The following YY1AP1 variants were observed in gnomAD, a reference collection of about 807,000 sequenced individuals.
The protein encoded by YY1AP1 is YY1 associated protein 1, also known as YY1-associated protein 1.
A neutral mutation model predicts 39.9 loss-of-function variants in YY1AP1; 43 were observed. The ratio of observed to expected loss-of-function variants is 1.08; its 90% CI spans 0.84 to 1.39. The LOEUF (loss-of-function observed/expected upper bound fraction) is 1.39, where lower values mean the gene tolerates loss of function less well. Among genes scored for constraint, YY1AP1 ranks in the 40% most tolerant of loss-of-function variants. YY1AP1 has a pLI of 0.00. For missense variants in YY1AP1, 813 were observed against 900.7 expected (o/e 0.90, Z 1.25); for synonymous variants, 292 against 331.3 (o/e 0.88, Z 1.29).
chr1:155,673,370 C>G (rs1434024031), intron 6 of YY1AP1, among the ~76,000 whole-genome samples: 2 of 152,146 alleles, frequency 1.3e-5, no homozygotes, highest in Non-Finnish European at 2.9e-5. Context: ...TGCCTACAAC[C>G]AAGTACTCCT....
intron 6 of YY1AP1, 27 bp downstream of exon 6, chr1:155,674,983 T>C (rs1156782761): frequency 3.1e-6 from 5 of 1,589,954 alleles, no homozygotes; most frequent in African/African-American, 1.3e-5. Flanking sequence ...TTCTAGTCTA[T>C]AGAATTACGG....
chr1:155,672,896 T>A (rs1650070686), intron 6 of YY1AP1, 165 bp from the exon 7 acceptor site: 6 of 929,512 alleles, frequency 6.5e-6, no homozygotes, highest in Admixed American at 2.5e-5. Context: ...TATGCCTGAG[T>A]TCTCAGATAT....
intron 2 of YY1AP1, among the ~76,000 whole-genome samples, chr1:155,685,710 G>A (rs1049821410): frequency 2.0e-5 from 3 of 151,976 alleles, no homozygotes; most frequent in African/African-American, 4.8e-5. Context: ...CCACACACCC[G>A]AACAATGAAA....
chr1:155,666,917 T>G (rs550164809), intron 9 of YY1AP1, among the ~76,000 whole-genome samples: 10 of 152,298 alleles, frequency 6.6e-5, no homozygotes, highest in Non-Finnish European at 1.3e-4. Flanking sequence ...TGAAAATTGC[T>G]TGAACCCGGT....
intron 5 of YY1AP1, among the ~76,000 whole-genome samples, chr1:155,675,589 G>A (rs1326690509): frequency 1.3e-5 from 2 of 151,996 alleles, no homozygotes; most frequent in Non-Finnish European, 2.9e-5. Flanking sequence ...CTCCCAAAGT[G>A]CTGGGATTAC....
intron 2 of YY1AP1, among the ~76,000 whole-genome samples, chr1:155,681,116 C>T (rs989529956): frequency 6.6e-6 from 1 of 151,372 alleles, no homozygotes; most frequent in African/African-American, 2.4e-5. Flanking sequence ...CTGCAACCTC[C>T]GCCTCCCAGG....
intron 2 of YY1AP1, 165 bp downstream of exon 2, chr1:155,687,906 C>G: frequency 3.9e-6 from 3 of 767,356 alleles, no homozygotes; most frequent in Non-Finnish European, 6.0e-6. Flanking sequence ...GGAGGGACTT[C>G]CCGGTAGGCT....
rs752876559 is a variant in YY1AP1 at position 155,659,814 on chromosome 1, C to A, written c.2096G>T (p.Arg699Leu). ...QEGLSENSAYRWTVVKTEEGR... is the reference protein window; with the variant it reads ...QEGLSENSAYLWTVVKTEEGR... ...CTCCTCTGTTTTCACAACGGTCCAGCGATAGGCACTGTTCTCTGACAATCC... is the reference window on the plus strand; with the variant it reads ...CTCCTCTGTTTTCACAACGGTCCAGAGATAGGCACTGTTCTCTGACAATCC... The change falls in exon 11 of 11, where the codon CGC (arginine) becomes CTC (leucine). Residue 699 changes from arginine (R) to leucine (L), a missense_variant. By Grantham distance (102) the Arg-to-Leu change is moderately radical. Coordinates refer to ENST00000355499, the MANE Select transcript of YY1AP1 (RefSeq NM_139119.3). 4 of 1,614,226 alleles carry A rather than the reference C, an allele frequency of 2.5e-6. No homozygotes were observed. Among genetic ancestry groups the A allele is most frequent in the Non-Finnish European group, 3.4e-6 (4 of 1,180,046 alleles).
In YY1AP1 at chr1:155,661,376, T is replaced by C. The variant is rs747030970; in HGVS notation, c.927A>G (p.Glu309=). 3.7e-6 allele frequency: 6 copies of C among 1,613,788 alleles called. No individual in the cohort carries two copies. In the South Asian group the frequency reaches 6.6e-5, roughly 18 times the overall value. Residue 309 remains glutamate, a synonymous_variant, in exon 10 of 11, where the codon GAA becomes GAG. Transcript: ENST00000355499. ...KQLPVLGKCC[E]EIQPHQWKPP... ...GCTTCCACTGATGTGGCTGGATCTCTTCACAGCATTTTCCTAGGACTGGCA... is the reference window on the plus strand; with the variant it reads ...GCTTCCACTGATGTGGCTGGATCTCCTCACAGCATTTTCCTAGGACTGGCA...
At position 155,676,855 on chromosome 1, in the gene YY1AP1, T is replaced by C. The variant is rs2292375; in HGVS notation, c.126-109A>G. 3.5e-4 allele frequency: 378 copies of C among 1,076,154 alleles called. 3 individuals are homozygous for C. In the East Asian group the frequency reaches 9.3e-3, roughly 26 times the overall value. The allele number at this position is 1,076,154 out of a possible 1,614,324, so 66.7% of individuals were successfully genotyped here. Reference sequence around the variant, plus strand: ...CTGAACAATTTTCATTCCCTACTAATCCCCCCTTTTCACTTTAGCCAACAG... The same window carrying C: ...CTGAACAATTTTCATTCCCTACTAACCCCCCCTTTTCACTTTAGCCAACAG... On this transcript the variant is annotated intron_variant, in intron 4 of 10. Coordinates refer to ENST00000355499, the MANE Select transcript of YY1AP1 (RefSeq NM_139119.3).
intron 6 of YY1AP1, among the ~76,000 whole-genome samples, chr1:155,673,028 ATTTAT>A (rs1650085959): frequency 6.6e-6 from 1 of 152,038 alleles, no homozygotes; most frequent in Admixed American, 6.6e-5. Flanking sequence ...TAATTAATTA[ATTTAT>A]TTTGAGACAT....
chr1:155,680,011 A>C, intron 3 of YY1AP1: 2 of 231,532 alleles, frequency 8.6e-6, no homozygotes, highest in Non-Finnish European at 1.7e-5. Context: ...CCCTGTCTCT[A>C]CAAAAAAATA....
chr1:155,676,208 C>A (rs1335289183), intron 5 of YY1AP1, among the ~76,000 whole-genome samples: 2 of 149,248 alleles, frequency 1.3e-5, no homozygotes, highest in Non-Finnish European at 3.0e-5. Context: ...GGTGACAGAG[C>A]GAGACTACGT....
At chr1:155,665,470 G>A (rs1648837467) in intron 9 of YY1AP1, among the ~76,000 whole-genome samples, 1 of 151,878 alleles carries the variant, frequency 6.6e-6, no homozygotes, top group Non-Finnish European at 1.5e-5. Flanking sequence ...GTAGTGGCAT[G>A]TGCCTATAAT....
chr1:155,676,730 C>T lies in YY1AP1; in HGVS notation c.142G>A (p.Ala48Thr), dbSNP rs910271075. The T allele has an allele frequency of 6.2e-7, 1 of 1,614,014 alleles. No homozygotes were observed. The highest frequency in any genetic ancestry group is 1.7e-5 in the Admixed American group (1 of 60,016). ...TGATGTTGTTCATTTAGTAGGTTGGCCAGTAGTTCCTCAAACCTATCCCAA... is the reference window on the plus strand; with the variant it reads ...TGATGTTGTTCATTTAGTAGGTTGGTCAGTAGTTCCTCAAACCTATCCCAA... ...PQALRFEELLANLLNEQHQIA... is the reference protein window; with the variant it reads ...PQALRFEELLTNLLNEQHQIA... The change falls in exon 5 of 11, where the codon GCC becomes ACC. Residue 48 changes from alanine to threonine, a missense_variant. Coordinates refer to ENST00000355499, the MANE Select transcript of YY1AP1 (RefSeq NM_139119.3).
At chr1:155,670,256 T>G in intron 8 of YY1AP1, 64 bp downstream of exon 8, 1 of 1,607,480 alleles carries the variant, frequency 6.2e-7, no homozygotes, top group South Asian at 1.1e-5. Context: ...TTACTTCCCC[T>G]AAACTCCTCA....
At chr1:155,677,355 C>T (rs1650848199) in intron 4 of YY1AP1, among the ~76,000 whole-genome samples, 1 of 152,164 alleles carries the variant, frequency 6.6e-6, no homozygotes, top group Admixed American at 6.5e-5. Flanking sequence ...CCCTAACTTC[C>T]CATCCATACC....
At chr1:155,665,278 A>AT (rs1399403143) in intron 9 of YY1AP1, among the ~76,000 whole-genome samples, 3 of 151,432 alleles carry the variant, frequency 2.0e-5, no homozygotes, top group East Asian at 2.0e-4. Context: ...TCAGAAAAAA[A>AT]TTTTTTTTAA....
At chr1:155,667,498 TAAA>T (rs74589200) in intron 9 of YY1AP1, among the ~76,000 whole-genome samples, 1 of 128,468 alleles carries the variant, frequency 7.8e-6, no homozygotes, top group Non-Finnish European at 1.7e-5. Flanking sequence ...AACCTGTCTC[TAAA>T]AAAAAAAAAA....
Sources: allele counts gnomAD v4.1 joint callset (sites outside exome capture counted in the v4.1 genomes callset), GRCh38; gene constraint gnomAD v4.1.1; transcripts MANE v1.5; gene names NCBI Gene and HGNC (gene_info 2026-07-23, HGNC 2026-07-21).